Variants in NT5C3B observed in about 807,000 individuals in gnomAD.
NT5C3B encodes 7-methylguanosine phosphate-specific 5'-nucleotidase.
A neutral mutation model predicts 32.5 loss-of-function variants in NT5C3B; 28 were observed. That is an observed-to-expected ratio of 0.86 (90% CI 0.64 to 1.18). The LOEUF (loss-of-function observed/expected upper bound fraction) is 1.18. Among genes scored for constraint, NT5C3B ranks in the 50% most tolerant of loss-of-function variants. The probability of loss-of-function intolerance (pLI) is 0.00; values close to 1 mark genes in which losing one functional copy is unlikely to be tolerated. For missense variants in NT5C3B, 317 were observed against 322.0 expected (o/e 0.98, Z 0.12); for synonymous variants, 138 against 118.0 (o/e 1.17, Z -1.10).
chr17:41,833,473 C>T (rs1028530293), intron 4 of NT5C3B, among the ~76,000 whole-genome samples: 4 of 152,054 alleles, frequency 2.6e-5, no homozygotes, highest in Non-Finnish European at 5.9e-5. Flanking sequence ...GGCACCACTA[C>T]GCCCAGCTAA....
In NT5C3B at chr17:41,836,232, C is replaced by T. The variant is rs1567865493; in HGVS notation, c.-39G>A. The stretch of plus-strand genomic sequence containing the variant: ...TGGTCGGCGGCTCGCGGGACAACGA[C>T]AGCCCCGCGACCGCACTGCGCAGGC... On this transcript the variant is annotated 5_prime_UTR_variant, in exon 1 of 9. Transcript: ENST00000435506. 8.1e-7 allele frequency: 1 copy of T among 1,233,732 alleles called. No individual in the cohort carries two copies. Among genetic ancestry groups the T allele is most frequent in the African/African-American group, 1.6e-5 (1 of 63,522 alleles). The allele number at this position is 1,233,732 out of a possible 1,614,324, so 76.4% of individuals were successfully genotyped here.
In NT5C3B at chr17:41,825,677, G is replaced by A; in HGVS notation, c.769-20C>T. 1 of 872,564 alleles carries A rather than the reference G, an allele frequency of 1.1e-6. No homozygotes were observed. Among genetic ancestry groups the A allele is most frequent in the East Asian group, 2.4e-5 (1 of 41,708 alleles). The allele number at this position is 872,564 out of a possible 1,614,324, so 54.1% of individuals were successfully genotyped here. On this transcript the variant is annotated intron_variant, in intron 8 of 8. Coordinates refer to ENST00000435506, the MANE Select transcript of NT5C3B (RefSeq NM_052935.5). ...CTCCACCTGCCCGGAATGAGAGGCA[G>A]AAGCCAGAGGGTCCCCAAATGCCCT...
Position 41,832,414 on chromosome 17 carries a change from T to G in NT5C3B, c.292A>C (p.Lys98Gln). ...EIDPHRTVKEKLPHMVEWWTK... is the reference protein window; with the variant it reads ...EIDPHRTVKEQLPHMVEWWTK... ...CACCATTCCACCATATGAGGTAGCTTCTCCTTGACGGTCCGGTGTGGGTCG... is the reference window on the plus strand; with the variant it reads ...CACCATTCCACCATATGAGGTAGCTGCTCCTTGACGGTCCGGTGTGGGTCG... The change falls in exon 5 of 9, where the codon AAG (lysine) becomes CAG (glutamine). Residue 98 changes from lysine to glutamine, a missense_variant. Lys to Gln is a moderately conservative substitution (Grantham distance 53, BLOSUM62 1). Transcript: ENST00000435506. 6.2e-7 allele frequency: 1 copy of G among 1,613,712 alleles called. No homozygotes were observed. Among genetic ancestry groups the G allele is most frequent in the Non-Finnish European group, 8.5e-7 (1 of 1,179,770 alleles).
In NT5C3B at chr17:41,835,930, G is replaced by A. The variant is rs1555619894; in HGVS notation, c.40C>T (p.Leu14=). Residue 14 remains leucine, a synonymous_variant, in exon 2 of 9, where the codon CTG becomes TTG. Coordinates refer to ENST00000435506, the MANE Select transcript of NT5C3B (RefSeq NM_052935.5). ...EVSTLMKATV[L]MRQPGRVQEI... is the part of the protein sequence containing the mutation. ...TGCACCCGCCCAGGCTGCCGCATCA[G>A]GACCGTGGCCTTCATCAGGGTGCTC... 1.2e-6 allele frequency: 2 copies of A among 1,601,378 alleles called. No homozygotes were observed. The highest frequency in any genetic ancestry group is 1.7e-6 in the Non-Finnish European group (2 of 1,174,846).
At chr17:41,835,358 T>C in intron 2 of NT5C3B, 86 bp from the exon 3 acceptor site, 1 of 1,130,898 alleles carries the variant, frequency 8.8e-7, no homozygotes, top group Non-Finnish European at 1.3e-6. Flanking sequence ...ATTATGGAAA[T>C]CAATACAGCT....
intron 4 of NT5C3B, among the ~76,000 whole-genome samples, chr17:41,833,264 G>A (rs1028058688): frequency 6.6e-6 from 1 of 152,000 alleles, no homozygotes; most frequent in South Asian, 2.1e-4. Context: ...AAAACTTTAG[G>A]GAATTCATGG....
At position 41,835,276 on chromosome 17, in the gene NT5C3B, T is replaced by A. The variant is rs782529464; in HGVS notation, c.112-4A>T. 1.2e-6 allele frequency: 2 copies of A among 1,613,602 alleles called. No individual in the cohort carries two copies. Among genetic ancestry groups the A allele is most frequent in the African/African-American group, 2.7e-5 (2 of 74,868 alleles). ...TCATGTCAAAATCAGAAATCACCTA[T>A]AAGGCAAAAGAGAGATGATGCCTAA... On this transcript the variant is annotated splice_polypyrimidine_tract_variant and splice_region_variant and intron_variant, in intron 2 of 8. Coordinates refer to ENST00000435506, the MANE Select transcript of NT5C3B (RefSeq NM_052935.5).
At position 41,825,454 on chromosome 17, in the gene NT5C3B, C is replaced by A. The variant is rs567726804; in HGVS notation, c.*69G>T. 8.7e-6 allele frequency: 7 copies of A among 809,200 alleles called. No homozygotes were observed. The Admixed American group carries it at 1.4e-4, about 16-fold the overall frequency. 50.1% of individuals were successfully genotyped at this position (809,200 alleles called of 1,614,324 possible). On this transcript the variant is annotated 3_prime_UTR_variant, in exon 9 of 9. Transcript: ENST00000435506. ...CACCCTGGCCTCTGCTCTGTGTTCA[C>A]GGGGGAGCAGACTCTGGGGAGGCGC...
rs2047985520 is a variant in NT5C3B, at chr17:41,827,430, T to A, written c.764A>T (p.Asp255Val). 1 of 872,648 alleles carries A rather than the reference T, an allele frequency of 1.1e-6. No homozygotes were observed. Among genetic ancestry groups the A allele is most frequent in the Non-Finnish European group, 2.0e-6 (1 of 501,690 alleles). 54.1% of individuals were successfully genotyped at this position (872,648 alleles called of 1,614,324 possible). Reference protein sequence around the residue: ...QNILKIGFLNDKVEERRERYM... With the variant: ...QNILKIGFLNVKVEERRERYM... ...CAGCCCTGGTCCTCTACCCACCTTG[T>A]CATTCAGGAAGCCAATTTTGAGAAT... The change falls in exon 8 of 9, where the codon GAC (aspartate) becomes GTC (valine). Residue 255 changes from aspartate to valine, a missense_variant. Transcript: ENST00000435506.
At chr17:41,834,023 G>A (rs1424689364) in intron 4 of NT5C3B, among the ~76,000 whole-genome samples, 1 of 152,160 alleles carries the variant, frequency 6.6e-6, no homozygotes, top group Non-Finnish European at 1.5e-5. Context: ...AATGAAAGAT[G>A]ACATAGTAAC....
chr17:41,835,893 C>T lies in NT5C3B; in HGVS notation c.77G>A (p.Gly26Asp). 1 of 1,609,072 alleles carries T rather than the reference C, an allele frequency of 6.2e-7. No homozygotes were observed. The highest frequency in any genetic ancestry group is 8.5e-7 in the Non-Finnish European group (1 of 1,178,630). The change falls in exon 2 of 9, where the codon GGC becomes GAC. Residue 26 changes from glycine (G) to aspartate (D), a missense_variant. Gly to Asp is a moderately conservative substitution (Grantham distance 94). Coordinates refer to ENST00000435506, the MANE Select transcript of NT5C3B (RefSeq NM_052935.5). ...GTCTCCGCCGCCCTTGCGGAGGGCG[C>T]CCACGATCTCCTGCACCCGCCCAGG... ...RQPGRVQEIV[G>D]ALRKGGGDRL...
At chr17:41,833,343 G>C (rs1555619329) in intron 4 of NT5C3B, among the ~76,000 whole-genome samples, 1 of 147,640 alleles carries the variant, frequency 6.8e-6, no homozygotes, top group African/African-American at 2.5e-5. Context: ...TTTGAGACAA[G>C]TCTCACTCTG....
Position 41,825,204 on chromosome 17 carries a change from G to T in NT5C3B, c.*319C>A. 2 of 229,088 alleles carry T rather than the reference G, an allele frequency of 8.7e-6. No individual in the cohort carries two copies. Among genetic ancestry groups the T allele is most frequent in the Non-Finnish European group, 8.4e-6 (1 of 118,420 alleles). 14.2% of individuals were successfully genotyped at this position (229,088 alleles called of 1,614,324 possible). Reference sequence around the variant, plus strand: ...GCTTTTTTTTCATTTTAAAAATTTTGATCTGTTTCACACATTATATTTGTT... The same window carrying T: ...GCTTTTTTTTCATTTTAAAAATTTTTATCTGTTTCACACATTATATTTGTT... On this transcript the variant is annotated 3_prime_UTR_variant, in exon 9 of 9. Transcript: ENST00000435506.
At chr17:41,829,022 G>T in intron 6 of NT5C3B, 70 bp from the exon 7 acceptor site, 1 of 1,381,430 alleles carries the variant, frequency 7.2e-7, no homozygotes, top group Non-Finnish European at 1.0e-6. Flanking sequence ...TATTTGGGTT[G>T]TTTTTTGGGT....
chr17:41,828,078 A>G (rs1284163152), intron 7 of NT5C3B, among the ~76,000 whole-genome samples: 1 of 152,216 alleles, frequency 6.6e-6, no homozygotes, highest in African/African-American at 2.4e-5. Flanking sequence ...GCTGCGGGCC[A>G]CATCCTCACT....
chr17:41,827,963 A>G (rs2047993639), intron 7 of NT5C3B, among the ~76,000 whole-genome samples: 1 of 152,232 alleles, frequency 6.6e-6, no homozygotes, highest in South Asian at 2.1e-4. Context: ...TGTAACTCCT[A>G]GTTTAAATGA....
At chr17:41,830,997 GC>G in intron 5 of NT5C3B, 107 bp from the exon 6 acceptor site, 1 of 762,972 alleles carries the variant, frequency 1.3e-6, no homozygotes, top group Non-Finnish European at 2.3e-6. Flanking sequence ...GCCGACAGAG[GC>G]CTCATCCTTA....
chr17:41,827,574 C>A lies in NT5C3B; in HGVS notation c.620G>T (p.Ser207Ile), dbSNP rs2047988333. The change falls in exon 8 of 9, where the codon AGC (serine) becomes ATC (isoleucine). Residue 207 changes from serine (S) to isoleucine (I), a missense_variant. Ser to Ile is a moderately radical substitution (Grantham distance 142). Transcript: ENST00000435506. The part of the protein sequence containing the change: ...GQLIHTYNKN[S>I]SACENSGYFQ... ...GTAACCAGAGTTCTCACACGCAGAG[C>A]TGTTCTTGTTGTATGTGTGTATGAG... is the stretch of plus-strand genomic sequence containing the variant. 1.2e-6 allele frequency: 1 copy of A among 868,592 alleles called. No homozygotes were observed. The highest frequency in any genetic ancestry group is 1.7e-5 in the Admixed American group (1 of 59,190). The allele number at this position is 868,592 out of a possible 1,614,324, so 53.8% of individuals were successfully genotyped here. A position where few individuals can be genotyped will look rare whatever the true frequency, so the allele number is the denominator to read the frequency against.
intron 4 of NT5C3B, among the ~76,000 whole-genome samples, chr17:41,833,333 T>C (rs1401980579): frequency 1.6e-5 from 1 of 61,548 alleles, no homozygotes; most frequent in Non-Finnish European, 3.4e-5. Flanking sequence ...TTTTTTTTTT[T>C]TTGAGACAAG....
Sources: gnomAD v4.1 joint callset for allele counts (sites outside exome capture counted in the v4.1 genomes callset) on GRCh38, gnomAD v4.1.1 for gene constraint, MANE v1.5 for transcripts, NCBI Gene and HGNC (gene_info 2026-07-23, HGNC 2026-07-21) for gene names.